The following AAMDC variants were observed in gnomAD, a reference collection of about 807,000 sequenced individuals.
AAMDC encodes mth938 domain-containing protein.
A neutral mutation model predicts 15.5 loss-of-function variants in AAMDC; 16 were observed. That is an observed-to-expected ratio of 1.03 (90% confidence interval 0.70 to 1.57). The LOEUF (loss-of-function observed/expected upper bound fraction) is 1.57. AAMDC is among the 40% of genes most tolerant of loss of function. The pLI, the probability that AAMDC is intolerant of heterozygous loss-of-function variation, is 0.00. For synonymous variants in AAMDC, 51 were observed against 51.6 expected (o/e 0.99, Z 0.05); for missense variants, 141 against 144.9 (o/e 0.97, Z 0.14).
downstream of AAMDC, among the ~76,000 whole-genome samples, chr11:77,874,050 A>C (rs1455723760): frequency 1.3e-5 from 2 of 152,218 alleles, no homozygotes; most frequent in Non-Finnish European, 2.9e-5. Flanking sequence ...AAGCTGAAAC[A>C]GTATGGAAAG....
At chr11:77,832,867 C>T (rs913442801) in intron 1 of AAMDC, among the ~76,000 whole-genome samples, 3 of 151,168 alleles carry the variant, frequency 2.0e-5, no homozygotes, top group South Asian at 2.1e-4. Context: ...TTGTGAAAGA[C>T]AGTTTTTCCA....
intron 5 of AAMDC, chr11:77,891,963 T>A: frequency 6.6e-7 from 1 of 1,519,866 alleles, no homozygotes; most frequent in Non-Finnish European, 8.9e-7. Flanking sequence ...AGCTTGCAGT[T>A]TACGACCAAG....
chr11:77,876,825 G>A (rs2136336268), downstream of AAMDC: 1 of 599,718 alleles, frequency 1.7e-6, no homozygotes, highest in East Asian at 2.8e-5. Flanking sequence ...GGGCTAACTT[G>A]GAGGATTTTT....
intron 5 of AAMDC, chr11:77,894,417 G>C (rs559521223): frequency 2.5e-6 from 2 of 807,440 alleles, no homozygotes; most frequent in African/African-American, 3.5e-5. Context: ...AAAAGTCCCA[G>C]AAACCTGAGC....
intron 2 of AAMDC, chr11:77,866,774 G>A (rs1409795725): frequency 2.6e-5 from 4 of 151,862 alleles, no homozygotes; most frequent in African/African-American, 7.3e-5. Flanking sequence ...ATGTAAATAT[G>A]TAAGACATTA....
chr11:77,872,003 CT>C (rs1294149113), intron 3 of AAMDC, 171 bp from the exon 4 acceptor site: 5 of 503,350 alleles, frequency 9.9e-6, no homozygotes, highest in Non-Finnish European at 1.3e-5. Flanking sequence ...ACAAAGAGGC[CT>C]TTTTGACTCA....
intron 5 of AAMDC, among the ~76,000 whole-genome samples, chr11:77,893,986 C>T (rs1317353594): frequency 2.6e-5 from 4 of 151,436 alleles, no homozygotes; most frequent in East Asian, 1.9e-4. Flanking sequence ...TTTCAACAAA[C>T]GTATTTACAC....
intron 1 of AAMDC, among the ~76,000 whole-genome samples, chr11:77,827,027 C>G (rs1473366630): frequency 6.6e-6 from 1 of 152,144 alleles, no homozygotes; most frequent in Non-Finnish European, 1.5e-5. Context: ...ATCACTTGAA[C>G]CCAGGAGGCA....
At chr11:77,834,310 A>G (rs758587788) in intron 1 of AAMDC, among the ~76,000 whole-genome samples, 2 of 152,310 alleles carry the variant, frequency 1.3e-5, no homozygotes, top group African/African-American at 4.8e-5. Context: ...AGAAGATGCA[A>G]AGTTTCTACA....
chr11:77,865,824 T>C (rs1951084721), intron 2 of AAMDC, among the ~76,000 whole-genome samples: 1 of 152,354 alleles, frequency 6.6e-6, no homozygotes, highest in South Asian at 2.1e-4. Flanking sequence ...ATCTTACATA[T>C]CTTCTTTTGT....
At chr11:77,829,214 G>A (rs1949311553) in intron 1 of AAMDC, among the ~76,000 whole-genome samples, 1 of 152,162 alleles carries the variant, frequency 6.6e-6, no homozygotes, top group Non-Finnish European at 1.5e-5. Context: ...ACATGCATAT[G>A]CCAAGGAGAG....
intron 1 of AAMDC, among the ~76,000 whole-genome samples, chr11:77,842,227 A>C (rs987257366): frequency 6.6e-6 from 1 of 152,214 alleles, no homozygotes. Flanking sequence ...TCTTAATTTT[A>C]TCTCTCAAAA....
At chr11:77,844,257 C>T (rs1482946862) in intron 2 of AAMDC, among the ~76,000 whole-genome samples, 1 of 152,338 alleles carries the variant, frequency 6.6e-6, no homozygotes, top group East Asian at 1.9e-4. Flanking sequence ...CTACAGGCCC[C>T]ACCTCTAAAT....
chr11:77,870,727 A>T (rs1490072522), intron 3 of AAMDC, among the ~76,000 whole-genome samples: 1 of 152,116 alleles, frequency 6.6e-6, no homozygotes, highest in Non-Finnish European at 1.5e-5. Flanking sequence ...AAGGTGGGAG[A>T]TTCCCTTCCC....
chr11:77,843,290 G>T, intron 2 of AAMDC, among the ~76,000 whole-genome samples: 1 of 152,106 alleles, frequency 6.6e-6, no homozygotes, highest in East Asian at 1.9e-4. Flanking sequence ...TATTCTCAGT[G>T]TGCCATTCCC....
In AAMDC at chr11:77,891,782, G is replaced by C. The variant is rs186898886; in HGVS notation, c.329-8789G>C. 1.9e-6 allele frequency: 3 copies of C among 1,611,974 alleles called. No individual in the cohort carries two copies. Among genetic ancestry groups the C allele is most frequent in the African/African-American group, 2.7e-5 (2 of 74,966 alleles). On this transcript the variant is annotated intron_variant, in intron 5 of 5. Transcript: ENST00000304716. The stretch of plus-strand genomic sequence containing the variant: ...TTGGATGTCATGAGTCGGGGCATAA[G>C]GTCAAGGAGTTTGTCCACAAAGCTG...
chr11:77,842,603 G>A lies in AAMDC; in HGVS notation c.107G>A (p.Trp36Ter), dbSNP rs144793235. Residue 36 changes from tryptophan to a stop codon, truncating the protein, a stop_gained, in exon 2 of 4, where the codon TGG becomes TAG. Coordinates refer to ENST00000393427, the MANE Select transcript of AAMDC (RefSeq NM_024684.4). LOFTEE classifies it high-confidence loss of function. ...CKVWPGGSRT[W>*]DWRETGTEHS... ...GTATGGCCAGGGGGTAGTCGGACTT[G>A]GGATTGGAGAGAAACAGGAACTGAG... The A allele has an allele frequency of 1.9e-6, 3 of 1,613,408 alleles. No homozygotes were observed. Among genetic ancestry groups the A allele is most frequent in the African/African-American group, 2.7e-5 (2 of 74,908 alleles).
chr11:77,884,572 C>G, intron 5 of AAMDC, among the ~76,000 whole-genome samples: 2 of 152,284 alleles, frequency 1.3e-5, no homozygotes, highest in South Asian at 4.1e-4. Context: ...GAAGCTTATC[C>G]TAGGACTAGG....
chr11:77,836,346 A>C (rs940838219), intron 1 of AAMDC, among the ~76,000 whole-genome samples: 1 of 152,040 alleles, frequency 6.6e-6, no homozygotes, highest in Admixed American at 6.6e-5. Flanking sequence ...TCAGGCCCTA[A>C]TCTAATAGGA....
Sources: allele counts gnomAD v4.1 joint callset (sites outside exome capture counted in the v4.1 genomes callset), GRCh38; gene constraint gnomAD v4.1.1; transcripts MANE v1.5; gene names NCBI Gene and HGNC (gene_info 2026-07-23, HGNC 2026-07-21).